Variants in VPS35L observed in about 807,000 individuals in gnomAD.
VPS35L encodes VPS35 endosomal protein-sorting factor-like.
A neutral mutation model predicts 133.0 loss-of-function variants in VPS35L; 83 were observed. That is an observed-to-expected ratio of 0.62 (90% confidence interval 0.52 to 0.75). The LOEUF is 0.75. VPS35L is among the 30% of genes least tolerant of loss of function. The pLI, the probability that VPS35L is intolerant of heterozygous loss-of-function variation, is 0.00. For missense variants in VPS35L, 1,083 were observed against 1,206.8 expected, an observed-to-expected ratio of 0.90 and a Z score of 1.52; for synonymous variants, 423 against 449.9, an observed-to-expected ratio of 0.94 and a Z score of 0.76.
chr16:19,645,881 C>T (rs545016268), intron 23 of VPS35L, among the ~76,000 whole-genome samples: 4 of 152,228 alleles, frequency 2.6e-5, no homozygotes, highest in Admixed American at 1.3e-4. Flanking sequence ...GCCAGATATC[C>T]ACTCCCCATC....
chr16:19,698,938 G>C (rs565021973), intron 29 of VPS35L, among the ~76,000 whole-genome samples: 1 of 152,132 alleles, frequency 6.6e-6, no homozygotes, highest in South Asian at 2.1e-4. Context: ...GACTTTTTTT[G>C]GCAAGATACC....
At position 19,569,454 on chromosome 16, in the gene VPS35L, C is replaced by A; in HGVS notation, c.148C>A (p.Arg50=). The A allele has an allele frequency of 1.3e-6, 2 of 1,599,524 alleles. No individual in the cohort carries two copies. The highest frequency in any genetic ancestry group is 8.5e-7 in the Non-Finnish European group (1 of 1,173,856). The change falls in exon 3 of 31, where the codon CGG becomes AGG. Residue 50 remains arginine (R), a synonymous_variant. Coordinates refer to ENST00000417362, the MANE Select transcript of VPS35L (RefSeq NM_020314.7). The part of the protein sequence containing the change: ...VTESKTKKVN[R]KGSTSSTSSS... ...AGAGTCAAAGACAAAGAAAGTGAACCGGAAAGGAAGCACTTCTTCCACGTC... is the reference window on the plus strand; with the variant it reads ...AGAGTCAAAGACAAAGAAAGTGAACAGGAAAGGAAGCACTTCTTCCACGTC...
chr16:19,684,625 G>A (rs1252976018), intron 28 of VPS35L, among the ~76,000 whole-genome samples: 1 of 152,160 alleles, frequency 6.6e-6, no homozygotes, highest in African/African-American at 2.4e-5. Context: ...AGGCATTCAT[G>A]TCCCCATTTG....
intron 1 of VPS35L, among the ~76,000 whole-genome samples, chr16:19,556,674 G>A (rs544263648): frequency 1.1e-4 from 17 of 152,182 alleles, no homozygotes; most frequent in African/African-American, 4.1e-4. Context: ...GAAATAATCA[G>A]GTACAACCTT....
chr16:19,557,678 CG>C (rs1423564556), intron 1 of VPS35L, among the ~76,000 whole-genome samples: 1 of 152,114 alleles, frequency 6.6e-6, no homozygotes, highest in African/African-American at 2.4e-5. Context: ...CTACCACACC[CG>C]GCCCGTGCTC....
intron 5 of VPS35L, among the ~76,000 whole-genome samples, chr16:19,576,165 C>CAA (rs1220749191): frequency 4.0e-4 from 29 of 72,148 alleles, no homozygotes; most frequent in Non-Finnish European, 5.8e-4. Context: ...GACTCTGTCT[C>CAA]AAAAAAAAAA....
intron 17 of VPS35L, 89 bp from the exon 18 acceptor site, chr16:19,629,678 C>A: frequency 8.7e-7 from 1 of 1,147,110 alleles, no homozygotes; most frequent in Non-Finnish European, 1.3e-6. Context: ...CGTTTCCAAC[C>A]ATTGAACAGA....
At chr16:19,616,481 A>G (rs1360719568) in intron 13 of VPS35L, among the ~76,000 whole-genome samples, 1 of 150,994 alleles carries the variant, frequency 6.6e-6, no homozygotes, top group South Asian at 2.1e-4. Context: ...CACAGCGCTC[A>G]TTCCCAAAAC....
At chr16:19,625,535 C>T (rs548992685) in intron 14 of VPS35L, among the ~76,000 whole-genome samples, 16 of 152,150 alleles carry the variant, frequency 1.1e-4, no homozygotes, top group African/African-American at 3.1e-4. Context: ...GAGATGATAC[C>T]ACTTGTAGCC....
chr16:19,614,038 G>T (rs148090473), intron 12 of VPS35L, among the ~76,000 whole-genome samples: 5 of 151,600 alleles, frequency 3.3e-5, no homozygotes, highest in Non-Finnish European at 7.4e-5. Flanking sequence ...TAGAGCGTGG[G>T]GGGAGCTTGA....
intron 22 of VPS35L, among the ~76,000 whole-genome samples, chr16:19,644,549 A>T (rs1051970209): frequency 2.6e-5 from 4 of 152,156 alleles, no homozygotes; most frequent in Non-Finnish European, 5.9e-5. Context: ...GAGATTTTTT[A>T]AATAAAATAT....
chr16:19,679,468 A>ATTATTTATTTAT (rs139152185), intron 27 of VPS35L, among the ~76,000 whole-genome samples: 3 of 123,154 alleles, frequency 2.4e-5, no homozygotes, highest in South Asian at 2.8e-4. Context: ...GTTAAGAACA[A>ATTATTTATTTAT]TTATTTATTT....
At chr16:19,640,689 A>AG (rs1973760460) in intron 21 of VPS35L, among the ~76,000 whole-genome samples, 1 of 152,222 alleles carries the variant, frequency 6.6e-6, no homozygotes, top group Non-Finnish European at 1.5e-5. Context: ...GTTTCCCAAA[A>AG]CTGCCCGACT....
chr16:19,558,833 G>A (rs746783108), intron 1 of VPS35L, among the ~76,000 whole-genome samples: 2 of 150,696 alleles, frequency 1.3e-5, no homozygotes, highest in African/African-American at 4.9e-5. Flanking sequence ...TGAGGCAGGA[G>A]AATTGCTTGA....
chr16:19,656,821 T>C (rs1974317999), intron 26 of VPS35L, among the ~76,000 whole-genome samples: 1 of 152,130 alleles, frequency 6.6e-6, no homozygotes, highest in African/African-American at 2.4e-5. Flanking sequence ...TTATTTTTCA[T>C]ATGCAAAGCA....
In VPS35L at chr16:19,633,146, C is replaced by A. The variant is rs1436699678; in HGVS notation, c.1609C>A (p.Arg537Ser). The A allele has an allele frequency of 6.2e-7, 1 of 1,614,112 alleles. No individual in the cohort carries two copies. Among genetic ancestry groups the A allele is most frequent in the East Asian group, 2.2e-5 (1 of 44,876 alleles). Reference protein sequence around the residue: ...ADVIKHMTPDRAFEDSYPQLQ... With the variant: ...ADVIKHMTPDSAFEDSYPQLQ... ...TGTCATCAAGCACATGACTCCAGAT[C>A]GTGCATTTGAAGATTCCTACCCCCA... is the stretch of plus-strand genomic sequence containing the variant. The change falls in exon 19 of 31, where the codon CGT (arginine) becomes AGT (serine). Residue 537 changes from arginine (R) to serine (S), a missense_variant. By Grantham distance (110) the Arg-to-Ser change is moderately radical. Coordinates refer to ENST00000417362, the MANE Select transcript of VPS35L (RefSeq NM_020314.7). The surrounding 1 kb of genome is among the most constrained non-coding windows in gnomAD (Gnocchi z 4.1).
At chr16:19,625,595 CGAAGTCTCATCATTGG>C (rs1973235940) in intron 14 of VPS35L, among the ~76,000 whole-genome samples, 1 of 152,086 alleles carries the variant, frequency 6.6e-6, no homozygotes, top group African/African-American at 2.4e-5. Context: ...GCAACTCTTC[CGAAGTCTCATCATTGG>C]TAGTTGGTGA....
intron 20 of VPS35L, among the ~76,000 whole-genome samples, chr16:19,638,881 G>A (rs1040740736): frequency 6.6e-6 from 1 of 152,204 alleles, no homozygotes; most frequent in Admixed American, 6.6e-5. Context: ...AAGGCAGGCA[G>A]ATCACCTGAG....
intron 12 of VPS35L, among the ~76,000 whole-genome samples, chr16:19,613,499 T>C (rs1040211385): frequency 1.3e-5 from 2 of 152,186 alleles, no homozygotes; most frequent in African/African-American, 4.8e-5. Flanking sequence ...CCCACATCAC[T>C]CAGCTCTGCT....
Sources: gnomAD v4.1 joint callset for allele counts (sites outside exome capture counted in the v4.1 genomes callset) on GRCh38, gnomAD v4.1.1 for gene constraint, Gnocchi (gnomAD v3.1) non-coding constraint, MANE v1.5 for transcripts, NCBI Gene and HGNC (gene_info 2026-07-23, HGNC 2026-07-21) for gene names.